The following PSMA3 variants were observed in gnomAD, a reference collection of about 807,000 sequenced individuals.
The protein encoded by PSMA3 is proteasome 20S subunit alpha 3.
PSMA3 carries 8 observed loss-of-function variants against 40.0 expected under a neutral mutation model. That is an observed-to-expected ratio of 0.20 (90% CI 0.12 to 0.36). The LOEUF (loss-of-function observed/expected upper bound fraction) is 0.36. Among genes scored for constraint, PSMA3 ranks in the 10% least tolerant of loss-of-function variants. PSMA3 has a pLI of 1.00. For synonymous variants in PSMA3, 110 were observed against 100.0 expected (o/e 1.10, Z -0.59); for missense variants, 219 against 310.6 (o/e 0.70, Z 2.22).
chr14:58,260,549 G>C (rs1232683222), intron 5 of PSMA3, among the ~76,000 whole-genome samples: 1 of 152,170 alleles, frequency 6.6e-6, no homozygotes, highest in African/African-American at 2.4e-5. Context: ...CAGGATATTG[G>C]GAAATAGAAT....
At chr14:58,266,836 T>C (rs1194264459) in intron 7 of PSMA3, 1 of 152,234 alleles carries the variant, frequency 6.6e-6, no homozygotes, top group African/African-American at 2.4e-5. Flanking sequence ...TTGTTTGCAT[T>C]TTGTTATCCT....
In PSMA3 at chr14:58,257,932, C is replaced by T. The variant is rs2140087107; in HGVS notation, c.338C>T (p.Ala113Val). The T allele has an allele frequency of 6.2e-7, 1 of 1,613,738 alleles. No homozygotes were observed. Among genetic ancestry groups the T allele is most frequent in the East Asian group, 2.2e-5 (1 of 44,852 alleles). ...TTCTGCTTCCCTCCATAGCATCTTG[C>T]AGACAGAGTGGCCATGTATGTGCAT... ...FGYNIPLKHLADRVAMYVHAY... is the reference protein window; with the variant it reads ...FGYNIPLKHLVDRVAMYVHAY... The change falls in exon 5 of 11, where the codon GCA becomes GTA. Residue 113 changes from alanine (A) to valine (V), a missense_variant. By Grantham distance (64) the Ala-to-Val change is moderately conservative (BLOSUM62 0). Coordinates refer to ENST00000216455, the MANE Select transcript of PSMA3 (RefSeq NM_002788.4).
At chr14:58,246,673 A>C (rs1186703536) in intron 1 of PSMA3, among the ~76,000 whole-genome samples, 2 of 152,224 alleles carry the variant, frequency 1.3e-5, no homozygotes, top group African/African-American at 2.4e-5. Flanking sequence ...CTGGGATTAC[A>C]GGCATGAGCC....
At chr14:58,271,147 TAATATA>T in intron 10 of PSMA3, 149 bp downstream of exon 10, 2 of 464,834 alleles carry the variant, frequency 4.3e-6, no homozygotes, top group Non-Finnish European at 7.7e-6. Context: ...ATGTGTTGAA[TAATATA>T]AATAGACTGG....
rs1229192758 is a variant in PSMA3, at chr14:58,258,645, A to C, written c.404+647A>C. Among the ~76,000 whole-genome samples, 3 of 152,030 alleles carry C rather than the reference A, an allele frequency of 2.0e-5. No homozygotes were observed. In the East Asian group the frequency reaches 5.8e-4, roughly 29 times the overall value. The stretch of plus-strand genomic sequence containing the variant: ...GGTTTCTCTTTCTGTTGAAGTGCTG[A>C]TATTTTATTGTGGGGTAAAGTGGAG... On this transcript the variant is annotated intron_variant, in intron 5 of 10. Coordinates refer to ENST00000216455, the MANE Select transcript of PSMA3 (RefSeq NM_002788.4).
intron 6 of PSMA3, 115 bp downstream of exon 6, chr14:58,261,135 A>ATTT: frequency 1.5e-6 from 1 of 684,528 alleles, no homozygotes. Context: ...AAGGAAAGTA[A>ATTT]TTTTTCTTTT....
At chr14:58,256,229 GA>G (rs1890141692) in intron 3 of PSMA3, among the ~76,000 whole-genome samples, 1 of 152,060 alleles carries the variant, frequency 6.6e-6, no homozygotes, top group South Asian at 2.1e-4. Context: ...CCAATAGGCT[GA>G]AAAAAGATTT....
intron 9 of PSMA3, 50 bp from the exon 10 acceptor site, chr14:58,270,884 A>G (rs2140099681): frequency 1.4e-6 from 2 of 1,444,592 alleles, no homozygotes; most frequent in African/African-American, 2.8e-5. Flanking sequence ...TGCAAGTTAC[A>G]ATATGGTACT....
intron 10 of PSMA3, among the ~76,000 whole-genome samples, chr14:58,271,572 G>C (rs893545530): frequency 6.6e-5 from 10 of 152,032 alleles, no homozygotes. Context: ...GAACTCACGT[G>C]ATCTGCCTAC....
In PSMA3 at chr14:58,262,488, G is replaced by T. The variant is rs112818070; in HGVS notation, c.478-1217G>T. Among the ~76,000 whole-genome samples, 1,257 of 152,076 alleles carry T rather than the reference G, an allele frequency of 8.3e-3. 22 individuals are homozygous for T. The highest frequency in any genetic ancestry group is 0.028 in the African/African-American group (1,171 of 41,480). On this transcript the variant is annotated intron_variant, in intron 6 of 10. Coordinates refer to ENST00000216455, the MANE Select transcript of PSMA3 (RefSeq NM_002788.4). Reference sequence around the variant, plus strand: ...CCCAAAATGCTGGGATTATAGGTGTGAGCCACCTTGCCCTGCCTTCCCTTT... The same window carrying T: ...CCCAAAATGCTGGGATTATAGGTGTTAGCCACCTTGCCCTGCCTTCCCTTT...
chr14:58,267,457 C>T lies in PSMA3; in HGVS notation c.544-17C>T. ...AAATGTTCTTCTGATGAACAGTATA[C>T]ATTTTATTTTCTATAGATGAAAGAA... On this transcript the variant is annotated splice_polypyrimidine_tract_variant and intron_variant, in intron 7 of 10. Coordinates refer to ENST00000216455, the MANE Select transcript of PSMA3 (RefSeq NM_002788.4). 1.3e-6 allele frequency: 2 copies of T among 1,543,692 alleles called. No individual in the cohort carries two copies. Among genetic ancestry groups the T allele is most frequent in the East Asian group, 4.8e-5 (2 of 41,968 alleles).
intron 3 of PSMA3, among the ~76,000 whole-genome samples, chr14:58,256,488 C>T (rs1015688486): frequency 4.7e-5 from 7 of 149,160 alleles, no homozygotes; most frequent in African/African-American, 1.7e-4. Context: ...GATCTCGGCT[C>T]ACTGCAACTT....
chr14:58,246,601 G>A (rs1182990937), intron 1 of PSMA3, among the ~76,000 whole-genome samples: 2 of 152,162 alleles, frequency 1.3e-5, no homozygotes, highest in Non-Finnish European at 2.9e-5. Flanking sequence ...GTTTCACCAT[G>A]TTGGCCAGGA....
chr14:58,271,120 AT>A, intron 10 of PSMA3, 122 bp downstream of exon 10: 1 of 525,220 alleles, frequency 1.9e-6, no homozygotes, highest in Non-Finnish European at 3.2e-6. Context: ...AAAAAAAAAA[AT>A]TCTCTAACCA....
chr14:58,253,746 G>A (rs988451987), intron 3 of PSMA3, among the ~76,000 whole-genome samples: 5 of 151,754 alleles, frequency 3.3e-5, no homozygotes, highest in African/African-American at 7.3e-5. Flanking sequence ...GACATACGCC[G>A]CCACACCCAG....
intron 1 of PSMA3, 100 bp from the exon 2 acceptor site, chr14:58,247,650 A>C: frequency 6.8e-6 from 5 of 738,334 alleles, no homozygotes; most frequent in Non-Finnish European, 1.1e-5. Context: ...CTTTGTTGGG[A>C]TATAACAGGT....
chr14:58,270,300 TA>T, intron 8 of PSMA3, 117 bp from the exon 9 acceptor site: 1 of 1,404,226 alleles, frequency 7.1e-7, no homozygotes, highest in Non-Finnish European at 9.6e-7. Context: ...TGTGTCTGTG[TA>T]ATTTTATAGA....
At chr14:58,258,052 T>TTA in intron 5 of PSMA3, 54 bp downstream of exon 5, 3 of 1,375,028 alleles carry the variant, frequency 2.2e-6, no homozygotes, top group Non-Finnish European at 3.1e-6. Context: ...AGATATTTAT[T>TTA]ATGTTCCCCA....
At chr14:58,264,935 T>A (rs1890392348) in intron 7 of PSMA3, 1 of 152,234 alleles carries the variant, frequency 6.6e-6, no homozygotes, top group African/African-American at 2.4e-5. Flanking sequence ...TTTGTTTTCA[T>A]CTCTCCATAC....
Sources: allele counts gnomAD v4.1 joint callset (sites outside exome capture counted in the v4.1 genomes callset), GRCh38; gene constraint gnomAD v4.1.1; transcripts MANE v1.5; gene names NCBI Gene and HGNC (gene_info 2026-07-23, HGNC 2026-07-21).